Variants in CADPS observed in about 807,000 individuals in gnomAD.
CADPS encodes the protein calcium dependent secretion activator.
Under a neutral mutation model 167.3 loss-of-function variants are expected in CADPS, and 57 were observed. The observed-to-expected ratio is 0.34, with a 90% CI of 0.28 to 0.42. CADPS has a LOEUF of 0.42. Among genes scored for constraint, CADPS ranks in the 20% least tolerant of loss-of-function variants. The pLI is 1.00. For synonymous variants in CADPS, 676 were observed against 635.3 expected, an observed-to-expected ratio of 1.06 and a Z score of -0.96; for missense variants, 1,414 against 1,738.1, an observed-to-expected ratio of 0.81 and a Z score of 3.32.
intron 26 of CADPS, among the ~76,000 whole-genome samples, chr3:62,448,819 G>A (rs2057616757): frequency 6.6e-6 from 1 of 152,132 alleles, no homozygotes; most frequent in African/African-American, 2.4e-5. Context: ...TCACCATGTT[G>A]ACCAGGCTGG....
At chr3:62,480,491 A>C (rs2061865454) in intron 22 of CADPS, among the ~76,000 whole-genome samples, 1 of 152,154 alleles carries the variant, frequency 6.6e-6, no homozygotes, top group African/African-American at 2.4e-5. Flanking sequence ...ATATGATTTT[A>C]GTGTGAACTT....
Position 62,668,886 on chromosome 3 carries a change from C to T in CADPS, c.889-6492G>A, listed in dbSNP as rs564622916. The stretch of plus-strand genomic sequence containing the variant: ...CTGTGACCCAAAAAGGAATGACCTA[C>T]CCACAGTCGCACAACGATCAGTGAG... On this transcript the variant is annotated intron_variant, in intron 3 of 29. Coordinates refer to ENST00000383710, the MANE Select transcript of CADPS (RefSeq NM_003716.4). 2.0e-5 allele frequency among the ~76,000 whole-genome samples: 3 copies of T among 152,280 alleles called. No homozygotes were observed. The South Asian group carries it at 6.2e-4, about 32-fold the overall frequency.
chr3:62,599,824 T>TTA (rs375532017), intron 6 of CADPS, among the ~76,000 whole-genome samples: 1 of 18,930 alleles, frequency 5.3e-5, no homozygotes, highest in Non-Finnish European at 7.6e-5. Context: ...ATATTATATA[T>TTA]TATATATATA....
chr3:62,518,183 G>A lies in CADPS; in HGVS notation c.2359C>T (p.Arg787Ter), dbSNP rs1411500518. ...GTAATCTGATTTTCTAGCAGAACTCGGAGCCTCTCTTTGATTTCTTCAAAA... is the reference window on the plus strand; with the variant it reads ...GTAATCTGATTTTCTAGCAGAACTCAGAGCCTCTCTTTGATTTCTTCAAAA... Reference protein sequence around the residue: ...ERFEEIKERLRVLLENQITHF... With the variant: ...ERFEEIKERL Residue 787 changes from arginine to a stop codon, truncating the protein, a stop_gained, in exon 14 of 30, where the codon CGA (arginine) becomes TGA (stop). Transcript: ENST00000383710. LOFTEE classifies it high-confidence loss of function. 6.2e-7 allele frequency: 1 copy of A among 1,612,614 alleles called. No homozygotes were observed. Among genetic ancestry groups the A allele is most frequent in the Non-Finnish European group, 8.5e-7 (1 of 1,179,318 alleles).
chr3:62,405,591 G>A (rs147176787), intron 28 of CADPS, among the ~76,000 whole-genome samples: 253 of 152,164 alleles, frequency 1.7e-3, no homozygotes, highest in African/African-American at 5.5e-3. Flanking sequence ...AATCTTGCTC[G>A]GCTGCCGAAA....
chr3:62,846,579 T>G (rs985237177), intron 1 of CADPS, among the ~76,000 whole-genome samples: 3 of 152,192 alleles, frequency 2.0e-5, no homozygotes, highest in Non-Finnish European at 4.4e-5. Flanking sequence ...CCGTGATTAA[T>G]CAATTTGCAA....
At chr3:62,574,790 G>A (rs2081968952) in intron 8 of CADPS, among the ~76,000 whole-genome samples, 1 of 152,190 alleles carries the variant, frequency 6.6e-6, no homozygotes, top group Admixed American at 6.5e-5. Flanking sequence ...GCTGTTGTGA[G>A]GATTAAACGA....
At chr3:62,619,264 G>A (rs2062801431) in intron 6 of CADPS, among the ~76,000 whole-genome samples, 1 of 152,146 alleles carries the variant, frequency 6.6e-6, no homozygotes, top group Non-Finnish European at 1.5e-5. Flanking sequence ...GATATCTAGT[G>A]TCTTAGTTCA....
chr3:62,490,019 G>A (rs1211812476), intron 21 of CADPS, among the ~76,000 whole-genome samples: 2 of 152,114 alleles, frequency 1.3e-5, no homozygotes, highest in Non-Finnish European at 1.5e-5. Flanking sequence ...CCCTGCAATA[G>A]GGAAACTCCT....
intron 11 of CADPS, among the ~76,000 whole-genome samples, chr3:62,548,561 A>T (rs2076862991): frequency 6.6e-6 from 1 of 152,230 alleles, no homozygotes; most frequent in Admixed American, 6.5e-5. Context: ...AAGGTGTAAG[A>T]ATATAGTCTT....
chr3:62,869,178 A>T (rs564545889), intron 1 of CADPS, among the ~76,000 whole-genome samples: 4 of 152,152 alleles, frequency 2.6e-5, no homozygotes, highest in African/African-American at 9.6e-5. Flanking sequence ...AGCATTTCAG[A>T]TATTATGTTT....
intron 1 of CADPS, among the ~76,000 whole-genome samples, chr3:62,797,547 AGCAAACGAAT>A (rs2093503374): frequency 6.6e-6 from 1 of 152,196 alleles, no homozygotes; most frequent in South Asian, 2.1e-4. Flanking sequence ...CATTAGCCTT[AGCAAACGAAT>A]GCAGGAGCAG....
intron 3 of CADPS, among the ~76,000 whole-genome samples, chr3:62,730,460 T>C (rs563453656): frequency 6.6e-6 from 1 of 152,286 alleles, no homozygotes; most frequent in South Asian, 2.1e-4. Flanking sequence ...CAGCCCCTCA[T>C]ACTCCTCACC....
At chr3:62,705,031 G>A (rs1352710453) in intron 3 of CADPS, among the ~76,000 whole-genome samples, 1 of 152,034 alleles carries the variant, frequency 6.6e-6, no homozygotes, top group Admixed American at 6.6e-5. Flanking sequence ...ATGATGCTTG[G>A]GATTCCAGCT....
Position 62,874,536 on chromosome 3 carries a change from G to A in CADPS, c.441+53C>T. ...GCCGCCAGCTCCCATTGTTCACCCC[G>A]CCCGCCTGGCGACGTCCGGGTGCTG... On this transcript the variant is annotated intron_variant, in intron 1 of 29. Coordinates refer to ENST00000383710, the MANE Select transcript of CADPS (RefSeq NM_003716.4). The surrounding 1 kb of genome is among the most constrained non-coding windows in gnomAD (Gnocchi z 7.1). 1.4e-6 allele frequency: 2 copies of A among 1,403,518 alleles called. No homozygotes were observed. Among genetic ancestry groups the A allele is most frequent in the Non-Finnish European group, 2.0e-6 (2 of 1,022,592 alleles). 86.9% of individuals were successfully genotyped at this position (1,403,518 alleles called of 1,614,324 possible). A position where few individuals can be genotyped will look rare whatever the true frequency, so the allele number is the denominator to read the frequency against.
intron 3 of CADPS, among the ~76,000 whole-genome samples, chr3:62,669,288 G>A (rs906092429): frequency 6.6e-6 from 1 of 152,184 alleles, no homozygotes; most frequent in Non-Finnish European, 1.5e-5. Context: ...TCAGCTGGCA[G>A]GGCCCTCCTT....
At chr3:62,452,256 G>A (rs2058151827) in intron 26 of CADPS, among the ~76,000 whole-genome samples, 1 of 152,134 alleles carries the variant, frequency 6.6e-6, no homozygotes, top group South Asian at 2.1e-4. Context: ...CATTTCTGCT[G>A]GAAAGTCAGG....
intron 3 of CADPS, among the ~76,000 whole-genome samples, chr3:62,664,195 T>C (rs1233057546): frequency 6.6e-6 from 1 of 152,112 alleles, no homozygotes; most frequent in Non-Finnish European, 1.5e-5. Flanking sequence ...TTAGTAGAGA[T>C]GGGGTTTCAC....
At position 62,718,395 on chromosome 3, in the gene CADPS, C is replaced by A. The variant is rs1294058677; in HGVS notation, c.888+35046G>T. On this transcript the variant is annotated intron_variant, in intron 3 of 29. Coordinates refer to ENST00000383710, the MANE Select transcript of CADPS (RefSeq NM_003716.4). ...AGCTACGTAGGTCAAACAATTTCTA[C>A]CTGTAAAGAGTTTCTAGACTGTTAT... 3.9e-5 allele frequency among the ~76,000 whole-genome samples: 6 copies of A among 152,160 alleles called. No homozygotes were observed. The South Asian group carries it at 8.3e-4, about 21-fold the overall frequency.
Sources: gnomAD v4.1 joint callset for allele counts (sites outside exome capture counted in the v4.1 genomes callset) on GRCh38, gnomAD v4.1.1 for gene constraint, Gnocchi (gnomAD v3.1) non-coding constraint, MANE v1.5 for transcripts, NCBI Gene and HGNC (gene_info 2026-07-23, HGNC 2026-07-21) for gene names.